The following P2RY2 variants were observed in gnomAD, a reference collection of about 807,000 sequenced individuals.
P2RY2 encodes the protein purinergic receptor P2Y2.
For missense variants in P2RY2, 567 were observed against 515.7 expected (o/e 1.10, Z -0.96); for synonymous variants, 241 against 231.9 (o/e 1.04, Z -0.35).
At chr11:73,227,776 A>G (rs1286091540) in intron 1 of P2RY2, among the ~76,000 whole-genome samples, 1 of 152,086 alleles carries the variant, frequency 6.6e-6, no homozygotes, top group Non-Finnish European at 1.5e-5. Context: ...GGCCTGGGGA[A>G]GGGGGTTGTG....
At chr11:73,224,857 A>C (rs529909976) in intron 1 of P2RY2, among the ~76,000 whole-genome samples, 23 of 152,114 alleles carry the variant, frequency 1.5e-4, no homozygotes, top group Middle Eastern at 3.4e-3. Flanking sequence ...CTCTCTTACT[A>C]TTTCATAAAA....
chr11:73,218,568 G>A (rs1368937109), intron 1 of P2RY2, 136 bp downstream of exon 1: 2 of 152,424 alleles, frequency 1.3e-5, no homozygotes, highest in African/African-American at 4.8e-5. Context: ...GGGCACAGTT[G>A]CGAGCCGGCG....
chr11:73,235,323 A>G lies in P2RY2; in HGVS notation c.*30A>G. The G allele has an allele frequency of 6.6e-7, 1 of 1,519,380 alleles. No individual in the cohort carries two copies. The highest frequency in any genetic ancestry group is 8.8e-7 in the Non-Finnish European group (1 of 1,133,690). 94.1% of individuals were successfully genotyped at this position (1,519,380 alleles called of 1,614,324 possible). On this transcript the variant is annotated 3_prime_UTR_variant, in exon 3 of 3. Transcript: ENST00000393597. Reference sequence around the variant, plus strand: ...AGAACACTTCAGCCTGTGCAGGTTTATATTGGGAAGCTGTAGAGGACCAGG... The same window carrying G: ...AGAACACTTCAGCCTGTGCAGGTTTGTATTGGGAAGCTGTAGAGGACCAGG...
rs1176701857 is a variant in P2RY2, at chr11:73,235,232, A to G, written c.1073A>G (p.Asp358Gly). 2.9e-5 allele frequency: 47 copies of G among 1,606,334 alleles called. No individual in the cohort carries two copies. The highest frequency in any genetic ancestry group is 4.0e-5 in the Non-Finnish European group (47 of 1,176,012). Reference protein sequence around the residue: ...RIEDVLGSSEDSRRTESTPAG... With the variant: ...RIEDVLGSSEGSRRTESTPAG... ...GAAGATGTGTTGGGCAGCAGTGAGG[A>G]CTCTAGGCGGACAGAGTCCACGCCG... Residue 358 changes from aspartate to glycine, a missense_variant, in exon 3 of 3, where the codon GAC becomes GGC. Physicochemically the swap from Asp to Gly is moderately conservative, Grantham distance 94. Coordinates refer to ENST00000393597, the MANE Select transcript of P2RY2 (RefSeq NM_002564.4).
At position 73,234,306 on chromosome 11, in the gene P2RY2, T is replaced by C. The variant is rs147383436; in HGVS notation, c.147T>C (p.Cys49=). Reference sequence around the variant, plus strand: ...GCGTGGTGTGCGTGCCTGGGCTGTGTCTGAACGCCGTGGCGCTCTACATCT... The same window carrying C: ...GCGTGGTGTGCGTGCCTGGGCTGTGCCTGAACGCCGTGGCGCTCTACATCT... ...SYGVVCVPGL[C]LNAVALYIFL... Residue 49 remains cysteine (C), a synonymous_variant, in exon 3 of 3, where the codon TGT becomes TGC. Transcript: ENST00000393597. 25 of 1,613,776 alleles carry C rather than the reference T, an allele frequency of 1.5e-5. No homozygotes were observed. The African/African-American group carries it at 3.1e-4, about 20-fold the overall frequency.
At position 73,234,294 on chromosome 11, in the gene P2RY2, G is replaced by C; in HGVS notation, c.135G>C (p.Val45=). The C allele has an allele frequency of 6.2e-7, 1 of 1,614,178 alleles. No individual in the cohort carries two copies. The highest frequency in any genetic ancestry group is 8.5e-7 in the Non-Finnish European group (1 of 1,180,016). The change falls in exon 3 of 3, where the codon GTG becomes GTC. Residue 45 remains valine (V), a synonymous_variant. Coordinates refer to ENST00000393597, the MANE Select transcript of P2RY2 (RefSeq NM_002564.4). ...LLPVSYGVVC[V]PGLCLNAVAL... ...CTGTGTCCTACGGCGTGGTGTGCGT[G>C]CCTGGGCTGTGTCTGAACGCCGTGG...
intron 1 of P2RY2, among the ~76,000 whole-genome samples, chr11:73,223,029 A>G (rs1000979468): frequency 2.0e-5 from 3 of 152,118 alleles, no homozygotes; most frequent in Admixed American, 6.5e-5. Flanking sequence ...AGATTTCATT[A>G]CTCTGAATCC....
rs1377752208 is a variant in P2RY2 at position 73,234,442 on chromosome 11, C to T, written c.283C>T (p.Arg95Cys). Residue 95 changes from arginine (R) to cysteine (C), a missense_variant, in exon 3 of 3, where the codon CGC becomes TGC. Transcript: ENST00000393597. ...SLPLLVYYYA[R>C]GDHWPFSTVL... ...GCCGCTGCTGGTCTATTACTACGCCCGCGGCGACCACTGGCCCTTCAGCAC... is the reference window on the plus strand; with the variant it reads ...GCCGCTGCTGGTCTATTACTACGCCTGCGGCGACCACTGGCCCTTCAGCAC... 6.2e-7 allele frequency: 1 copy of T among 1,614,108 alleles called. No individual in the cohort carries two copies. The highest frequency in any genetic ancestry group is 1.7e-5 in the Admixed American group (1 of 60,026).
At position 73,234,705 on chromosome 11, in the gene P2RY2, C is replaced by G; in HGVS notation, c.546C>G (p.Thr182=). ...CCAGCGCGCGCGGGGGCCGCGTAAC[C>G]TGCCACGACACCTCGGCACCCGAGC... ...VTTSARGGRV[T]CHDTSAPELF... The change falls in exon 3 of 3, where the codon ACC becomes ACG. Residue 182 remains threonine (T), a synonymous_variant. Transcript: ENST00000393597. The G allele has an allele frequency of 6.2e-7, 1 of 1,606,914 alleles. No homozygotes were observed. The highest frequency in any genetic ancestry group is 8.5e-7 in the Non-Finnish European group (1 of 1,178,322).
chr11:73,229,187 G>A (rs1862376129), intron 2 of P2RY2, among the ~76,000 whole-genome samples: 1 of 152,170 alleles, frequency 6.6e-6, no homozygotes, highest in African/African-American at 2.4e-5. Context: ...GAGGGGTGAT[G>A]GAAGGGAGAA....
At chr11:73,221,766 C>T (rs2135629122) in intron 1 of P2RY2, among the ~76,000 whole-genome samples, 1 of 152,322 alleles carries the variant, frequency 6.6e-6, no homozygotes. Flanking sequence ...GTGTGGGCCA[C>T]TCTGACCTCT....
intron 2 of P2RY2, among the ~76,000 whole-genome samples, chr11:73,231,526 C>T (rs1242123777): frequency 6.6e-6 from 1 of 150,624 alleles, no homozygotes; most frequent in East Asian, 1.9e-4. Context: ...CACTGCATTC[C>T]AGTCTGGGTG....
At position 73,235,007 on chromosome 11, in the gene P2RY2, C is replaced by G; in HGVS notation, c.848C>G (p.Ala283Gly). ...SLDLSCHTLNAINMAYKVTRP... is the reference protein window; with the variant it reads ...SLDLSCHTLNGINMAYKVTRP... ...GACCTCAGCTGCCACACCCTCAACG[C>G]CATCAACATGGCCTACAAGGTTACC... The change falls in exon 3 of 3, where the codon GCC (alanine) becomes GGC (glycine). Residue 283 changes from alanine (A) to glycine (G), a missense_variant. By Grantham distance (60) the Ala-to-Gly change is moderately conservative. Transcript: ENST00000393597. 6.2e-7 allele frequency: 1 copy of G among 1,609,146 alleles called. No homozygotes were observed. Among genetic ancestry groups the G allele is most frequent in the Non-Finnish European group, 8.5e-7 (1 of 1,179,976 alleles).
At position 73,234,441 on chromosome 11, in the gene P2RY2, C is replaced by T. The variant is rs1862557991; in HGVS notation, c.282C>T (p.Ala94=). Residue 94 remains alanine (A), a synonymous_variant, in exon 3 of 3, where the codon GCC becomes GCT. Transcript: ENST00000393597. ...TGCCGCTGCTGGTCTATTACTACGC[C>T]CGCGGCGACCACTGGCCCTTCAGCA... is the stretch of plus-strand genomic sequence containing the variant. ...ASLPLLVYYY[A]RGDHWPFSTV... is the part of the protein sequence containing the mutation. The T allele has an allele frequency of 1.2e-6, 2 of 1,614,144 alleles. No individual in the cohort carries two copies. Among genetic ancestry groups the T allele is most frequent in the Non-Finnish European group, 1.7e-6 (2 of 1,180,030 alleles).
intron 1 of P2RY2, among the ~76,000 whole-genome samples, chr11:73,226,977 C>T (rs543933293): frequency 6.6e-4 from 100 of 152,144 alleles, no homozygotes; most frequent in African/African-American, 2.0e-3. Flanking sequence ...ATGTTCAGAA[C>T]GTACAGTTTT....
Position 73,237,544 on chromosome 11 carries a change from G to A in P2RY2, c.*2251G>A, listed in dbSNP as rs1324021223. ...ATTACAGGTATGAGCCACCGCACCC[G>A]GCCCCTCTTGAGCTTTCTTAATGAT... On this transcript the variant is annotated 3_prime_UTR_variant, in exon 3 of 3. Coordinates refer to ENST00000393597, the MANE Select transcript of P2RY2 (RefSeq NM_002564.4). Among the ~76,000 whole-genome samples the A allele has an allele frequency of 2.6e-5, 4 of 152,094 alleles. No individual in the cohort carries two copies. The highest frequency in any genetic ancestry group is 2.1e-4 in the South Asian group (1 of 4,828).
At position 73,240,523 on chromosome 11, in the gene P2RY2, C is replaced by T. The variant is rs923481098; in HGVS notation, c.*5230C>T. On this transcript the variant is annotated 3_prime_UTR_variant, in exon 3 of 3. Coordinates refer to ENST00000393597, the MANE Select transcript of P2RY2 (RefSeq NM_002564.4). ...CACGTGAGACTCCTGGGAGACACAA[C>T]CAGTTGGAATGAGTTTTCCCTCCTG... 1.3e-5 allele frequency: 2 copies of T among 152,238 alleles called. No homozygotes were observed. Among genetic ancestry groups the T allele is most frequent in the African/African-American group, 4.8e-5 (2 of 41,434 alleles). The allele number at this position is 152,238 out of a possible 1,614,324, so 9.4% of individuals were successfully genotyped here. A position where few individuals can be genotyped will look rare whatever the true frequency, so the allele number is the denominator to read the frequency against.
intron 1 of P2RY2, among the ~76,000 whole-genome samples, chr11:73,224,813 C>A (rs1016728889): frequency 2.0e-5 from 3 of 152,192 alleles, no homozygotes; most frequent in African/African-American, 7.2e-5. Flanking sequence ...GAGATAACCC[C>A]ACCCTCCATG....
chr11:73,228,868 A>G (rs1862362702), intron 2 of P2RY2, among the ~76,000 whole-genome samples: 1 of 152,208 alleles, frequency 6.6e-6, no homozygotes, highest in Non-Finnish European at 1.5e-5. Context: ...ATTCAGGTCC[A>G]TCCCACAGTG....
Sources: gnomAD v4.1 joint callset for allele counts (sites outside exome capture counted in the v4.1 genomes callset) on GRCh38, gnomAD v4.1.1 for gene constraint, MANE v1.5 for transcripts, NCBI Gene and HGNC (gene_info 2026-07-23, HGNC 2026-07-21) for gene names.